Variants in ALDH9A1 observed in about 807,000 individuals in gnomAD.
ALDH9A1 encodes 4-trimethylaminobutyraldehyde dehydrogenase.
A neutral mutation model predicts 56.6 loss-of-function variants in ALDH9A1; 42 were observed. The observed-to-expected ratio is 0.74, with a 90% confidence interval of 0.58 to 0.96. The LOEUF (loss-of-function observed/expected upper bound fraction) is 0.96, where lower values mean the gene tolerates loss of function less well. Ranked by LOEUF, ALDH9A1 falls within the 40% of genes least tolerant of loss-of-function variation. ALDH9A1 has a pLI of 0.00. For synonymous variants in ALDH9A1, 242 were observed against 236.0 expected (o/e 1.03, Z -0.23); for missense variants, 661 against 651.5 (o/e 1.01, Z -0.16).
At chr1:165,695,133 T>C in intron 2 of ALDH9A1, 119 bp downstream of exon 2, 1 of 1,173,012 alleles carries the variant, frequency 8.5e-7, no homozygotes, top group African/African-American at 1.6e-5. Flanking sequence ...CATGTGGAAA[T>C]GTTTTTCCAT....
chr1:165,682,205 T>A lies in ALDH9A1; in HGVS notation c.494A>T (p.Tyr165Phe). ...TACCCCAAGTGGTTCTCTTCTGGTA[T>A]AACCAAACGATCCACCTGGGAGCTG... ...HIQLPGGSFGYTRREPLGVCV... is the reference protein window; with the variant it reads ...HIQLPGGSFGFTRREPLGVCV... The change falls in exon 4 of 11, where the codon TAT becomes TTT. Residue 165 changes from tyrosine (Y) to phenylalanine (F), a missense_variant. Coordinates refer to ENST00000354775, the MANE Select transcript of ALDH9A1 (RefSeq NM_000696.4). 1.2e-6 allele frequency: 2 copies of A among 1,613,876 alleles called. No individual in the cohort carries two copies. The highest frequency in any genetic ancestry group is 1.7e-6 in the Non-Finnish European group (2 of 1,179,856).
At chr1:165,675,386 G>T (rs1210312770) in intron 6 of ALDH9A1, among the ~76,000 whole-genome samples, 1 of 151,778 alleles carries the variant, frequency 6.6e-6, no homozygotes, top group African/African-American at 2.4e-5. Flanking sequence ...ACATAGCAAA[G>T]AAAGCAAAGT....
In ALDH9A1 at chr1:165,698,390, C is replaced by T; in HGVS notation, c.169G>A (p.Glu57Lys). The T allele has an allele frequency of 6.3e-7, 1 of 1,593,800 alleles. No individual in the cohort carries two copies. Among genetic ancestry groups the T allele is most frequent in the South Asian group, 1.1e-5 (1 of 89,120 alleles). ...ADASGTEKAFEPATGRVIATF... is the reference protein window; with the variant it reads ...ADASGTEKAFKPATGRVIATF... ...TCGTTGCAGTTACCGGTTGCTGGCT[C>T]GAAAGCTTTCTCGGTACCGGAGGCG... The change falls in exon 1 of 11, where the codon GAG (glutamate) becomes AAG (lysine). Residue 57 changes from glutamate to lysine, a missense_variant. Transcript: ENST00000354775.
chr1:165,670,752 G>GA (rs1649151959), intron 6 of ALDH9A1, among the ~76,000 whole-genome samples: 2 of 152,058 alleles, frequency 1.3e-5, no homozygotes, highest in Non-Finnish European at 2.9e-5. Flanking sequence ...TGTGAGTTTT[G>GA]AAAAAGACGT....
chr1:165,678,599 T>G (rs1423286192), intron 6 of ALDH9A1, among the ~76,000 whole-genome samples: 1 of 152,176 alleles, frequency 6.6e-6, no homozygotes, highest in African/African-American at 2.4e-5. Context: ...ATAGAAGTAT[T>G]TACTGCATGA....
intron 2 of ALDH9A1, among the ~76,000 whole-genome samples, chr1:165,691,215 T>C (rs956907742): frequency 6.6e-6 from 1 of 152,206 alleles, no homozygotes; most frequent in Non-Finnish European, 1.5e-5. Context: ...TTTGCTGTTC[T>C]ACAGCCTCCG....
At chr1:165,679,811 G>T (rs751736677) in intron 5 of ALDH9A1, among the ~76,000 whole-genome samples, 5 of 152,036 alleles carry the variant, frequency 3.3e-5, no homozygotes, top group Non-Finnish European at 5.9e-5. Context: ...AAAAAATATT[G>T]TCCCAGCCTG....
chr1:165,673,627 C>T (rs943819032), intron 6 of ALDH9A1, among the ~76,000 whole-genome samples: 2 of 152,116 alleles, frequency 1.3e-5, no homozygotes, highest in Non-Finnish European at 2.9e-5. Context: ...TTTGTCGGAA[C>T]TCAGAGTTAT....
chr1:165,697,944 A>C (rs1433506193), intron 1 of ALDH9A1, among the ~76,000 whole-genome samples: 1 of 152,122 alleles, frequency 6.6e-6, no homozygotes, highest in Non-Finnish European at 1.5e-5. Context: ...CGGGAGAAGC[A>C]CTTGAGCCCG....
chr1:165,682,279 G>C (rs775997700), intron 3 of ALDH9A1, 38 bp from the exon 4 acceptor site: 1 of 1,603,518 alleles, frequency 6.2e-7, no homozygotes, highest in Non-Finnish European at 8.5e-7. Context: ...ATGCAGGTCT[G>C]TGCTCCCCAA....
intron 10 of ALDH9A1, among the ~76,000 whole-genome samples, chr1:165,663,699 G>A (rs1357445962): frequency 3.9e-5 from 6 of 152,216 alleles, no homozygotes; most frequent in Non-Finnish European, 8.8e-5. Context: ...CCTTGGCCCT[G>A]CCTGTACACC....
At chr1:165,670,859 G>T (rs977316173) in intron 6 of ALDH9A1, among the ~76,000 whole-genome samples, 4 of 152,154 alleles carry the variant, frequency 2.6e-5, no homozygotes, top group Non-Finnish European at 5.9e-5. Context: ...ATCACTAGAG[G>T]TCAGTAGTTC....
At chr1:165,683,380 G>T (rs1030656485) in intron 2 of ALDH9A1, among the ~76,000 whole-genome samples, 1 of 152,178 alleles carries the variant, frequency 6.6e-6, no homozygotes, top group African/African-American at 2.4e-5. Flanking sequence ...AGACCGGGCA[G>T]GAATGAACCC....
chr1:165,669,091 GAACA>G, intron 7 of ALDH9A1, 78 bp from the exon 8 acceptor site: 1 of 1,392,002 alleles, frequency 7.2e-7, no homozygotes, highest in Non-Finnish European at 9.9e-7. Context: ...ATTGTATCCC[GAACA>G]AACACATAGT....
intron 2 of ALDH9A1, among the ~76,000 whole-genome samples, chr1:165,685,740 A>G (rs567058335): frequency 1.5e-4 from 23 of 152,228 alleles, no homozygotes; most frequent in Middle Eastern, 3.4e-3. Context: ...AAGGAGGGGG[A>G]CCATGGCCAG....
In ALDH9A1 at chr1:165,662,975, G is replaced by T; in HGVS notation, c.*75C>A. The T allele has an allele frequency of 7.8e-7, 1 of 1,286,188 alleles. No individual in the cohort carries two copies. The highest frequency in any genetic ancestry group is 1.1e-6 in the Non-Finnish European group (1 of 882,076). The allele number at this position is 1,286,188 out of a possible 1,614,324, so 79.7% of individuals were successfully genotyped here. A position where few individuals can be genotyped will look rare whatever the true frequency, so the allele number is the denominator to read the frequency against. On this transcript the variant is annotated 3_prime_UTR_variant, in exon 11 of 11. Coordinates refer to ENST00000354775, the MANE Select transcript of ALDH9A1 (RefSeq NM_000696.4). The stretch of plus-strand genomic sequence containing the variant: ...TCTGGATGTAAAATAACATTCAGTT[G>T]TACTGCCTCTGTAAACAGGGCCAAT...
chr1:165,671,430 G>A (rs761901971), intron 6 of ALDH9A1: 135 of 440,552 alleles, frequency 3.1e-4, no homozygotes, highest in Non-Finnish European at 5.7e-4. Context: ...ACAAATCGGT[G>A]GGATCCTGAG....
chr1:165,669,599 T>G (rs1336667914), intron 6 of ALDH9A1, 149 bp from the exon 7 acceptor site: 2 of 783,608 alleles, frequency 2.6e-6, no homozygotes, highest in African/African-American at 1.8e-5. Flanking sequence ...ATTGTCTCCA[T>G]ACTGAATAAG....
In ALDH9A1 at chr1:165,679,729, T is replaced by C. The variant is rs1649484647; in HGVS notation, c.790-147A>G. The C allele has an allele frequency of 4.9e-6, 4 of 810,196 alleles. No homozygotes were observed. In the South Asian group the frequency reaches 5.2e-5, roughly 11 times the overall value. 50.2% of individuals were successfully genotyped at this position (810,196 alleles called of 1,614,324 possible). A position where few individuals can be genotyped will look rare whatever the true frequency, so the allele number is the denominator to read the frequency against. On this transcript the variant is annotated intron_variant, in intron 5 of 10. Transcript: ENST00000354775. ...TCAATATCCTTTGCCTTTTGGCTAT[T>C]AAAATATTCTATTCCAGAAAACTGA...
Sources: gnomAD v4.1 joint callset for allele counts (sites outside exome capture counted in the v4.1 genomes callset) on GRCh38, gnomAD v4.1.1 for gene constraint, MANE v1.5 for transcripts, NCBI Gene and HGNC (gene_info 2026-07-23, HGNC 2026-07-21) for gene names.